Variants in TNPO1 observed in about 807,000 individuals in gnomAD.
The protein encoded by TNPO1 is transportin-1.
TNPO1 carries 8 observed loss-of-function variants against 119.5 expected under a neutral mutation model. The observed-to-expected ratio is 0.07, with a 90% CI of 0.04 to 0.12. TNPO1 has a LOEUF of 0.12. Ranked by LOEUF, TNPO1 falls within the 10% of genes least tolerant of loss-of-function variation. TNPO1 has a pLI of 1.00. For synonymous variants in TNPO1, 362 were observed against 363.0 expected (o/e 1.00, Z 0.03); for missense variants, 576 against 1,089.8 (o/e 0.53, Z 6.64).
chr5:72,889,531 A>G (rs979720260), intron 13 of TNPO1, among the ~76,000 whole-genome samples: 12 of 152,092 alleles, frequency 7.9e-5, no homozygotes, highest in Non-Finnish European at 1.6e-4. Context: ...GAGTTTACAT[A>G]AAGTCCCTGC....
intron 24 of TNPO1, among the ~76,000 whole-genome samples, chr5:72,906,073 T>G (rs1054631617): frequency 6.6e-6 from 1 of 152,060 alleles, no homozygotes; most frequent in Non-Finnish European, 1.5e-5. Flanking sequence ...CTTTCTTTTT[T>G]CCTGCAAGAA....
At chr5:72,817,914 G>GT (rs1743774619) in intron 1 of TNPO1, among the ~76,000 whole-genome samples, 1 of 152,140 alleles carries the variant, frequency 6.6e-6, no homozygotes. Context: ...GGAAAGTTCC[G>GT]TTTTTTGGGA....
At chr5:72,844,779 A>G (rs1046350278) in intron 1 of TNPO1, among the ~76,000 whole-genome samples, 9 of 152,210 alleles carry the variant, frequency 5.9e-5, no homozygotes, top group Admixed American at 3.9e-4. Flanking sequence ...AGTTGAGTCC[A>G]TATCTCCAGT....
chr5:72,889,642 G>C (rs1483285639), intron 13 of TNPO1, 144 bp from the exon 14 acceptor site: 9 of 741,174 alleles, frequency 1.2e-5, no homozygotes, highest in Non-Finnish European at 1.5e-5. Context: ...TCACAGTGCT[G>C]ATGACCAGGG....
chr5:72,852,253 AT>A (rs1392276988), intron 3 of TNPO1, among the ~76,000 whole-genome samples: 1 of 152,230 alleles, frequency 6.6e-6, no homozygotes, highest in African/African-American at 2.4e-5. Context: ...TGATTTTTAA[AT>A]AACATGGTCA....
intron 22 of TNPO1, among the ~76,000 whole-genome samples, chr5:72,902,507 G>C (rs1451694144): frequency 6.6e-6 from 1 of 151,192 alleles, no homozygotes; most frequent in Non-Finnish European, 1.5e-5. Flanking sequence ...CATTTTCTGG[G>C]TTTTTGTTTT....
Position 72,877,211 on chromosome 5 carries a change from G to A in TNPO1, c.802-17G>A. The A allele has an allele frequency of 7.2e-7, 1 of 1,386,002 alleles. No individual in the cohort carries two copies. The allele number at this position is 1,386,002 out of a possible 1,614,324, so 85.9% of individuals were successfully genotyped here. ...TGATTTTTAAACTGACTAATATTAAGGATATTGTGTTTCCAGTACATGCTA... is the reference window on the plus strand; with the variant it reads ...TGATTTTTAAACTGACTAATATTAAAGATATTGTGTTTCCAGTACATGCTA... On this transcript the variant is annotated splice_polypyrimidine_tract_variant and intron_variant, in intron 8 of 24. Transcript: ENST00000337273.
At chr5:72,819,310 T>G (rs921273721) in intron 1 of TNPO1, among the ~76,000 whole-genome samples, 1 of 152,192 alleles carries the variant, frequency 6.6e-6, no homozygotes, top group Admixed American at 6.5e-5. Flanking sequence ...TGAATTTTGA[T>G]GGAGACAGAC....
rs777438981 is a variant in TNPO1 at position 72,882,437 on chromosome 5, T to C, written c.921-30T>C. The C allele has an allele frequency of 2.6e-6, 4 of 1,551,318 alleles. No homozygotes were observed. The East Asian group carries it at 9.0e-5, about 35-fold the overall frequency. On this transcript the variant is annotated intron_variant, in intron 9 of 24. Coordinates refer to ENST00000337273, the MANE Select transcript of TNPO1 (RefSeq NM_002270.4). ...TAATTATTCTCTTGAGATCTTAAGG[T>C]CTTTGTTTCATGAATTTCTTTCTTT...
intron 11 of TNPO1, among the ~76,000 whole-genome samples, chr5:72,883,747 G>C (rs7716161): frequency 0.18 from 28,040 of 151,706 alleles, 2,956 homozygotes; most frequent in African/African-American, 0.28. Flanking sequence ...TTGTTTGTTT[G>C]TTTTTTTGTT....
chr5:72,871,010 C>T (rs1747355556), intron 6 of TNPO1, among the ~76,000 whole-genome samples: 1 of 152,150 alleles, frequency 6.6e-6, no homozygotes, highest in Non-Finnish European at 1.5e-5. Context: ...CTCTCCATCG[C>T]CCAGGCTAGA....
chr5:72,851,424 G>T, intron 3 of TNPO1, 105 bp downstream of exon 3: 1 of 693,856 alleles, frequency 1.4e-6, no homozygotes. Context: ...GTAACCTTGT[G>T]CTTTATAGAT....
chr5:72,897,384 A>T (rs1262662497), intron 20 of TNPO1, among the ~76,000 whole-genome samples: 1 of 152,098 alleles, frequency 6.6e-6, no homozygotes, highest in Non-Finnish European at 1.5e-5. Context: ...CCCCTATTCC[A>T]GTGTTTTAAT....
chr5:72,905,426 C>T lies in TNPO1; in HGVS notation c.*16C>T. On this transcript the variant is annotated 3_prime_UTR_variant, in exon 24 of 25. Coordinates refer to ENST00000337273, the MANE Select transcript of TNPO1 (RefSeq NM_002270.4). ...TGGTGTTTAATCTAATACACTTAAG[C>T]TGCAGTCCCAAAATTAGGGGTAAGT... The T allele has an allele frequency of 6.4e-7, 1 of 1,551,404 alleles. No homozygotes were observed. The highest frequency in any genetic ancestry group is 8.8e-7 in the Non-Finnish European group (1 of 1,142,148).
intron 13 of TNPO1, among the ~76,000 whole-genome samples, chr5:72,889,360 G>A (rs1296243660): frequency 6.6e-6 from 1 of 152,000 alleles, no homozygotes; most frequent in African/African-American, 2.4e-5. Context: ...GCCTGGCAGG[G>A]ATAGTAAATT....
chr5:72,890,004 T>TTACAATTAA, intron 14 of TNPO1, 47 bp downstream of exon 14: 1 of 1,573,880 alleles, frequency 6.4e-7, no homozygotes, highest in Non-Finnish European at 8.7e-7. Context: ...TGTAGCATAG[T>TTACAATTAA]TACAATTAAT....
chr5:72,864,656 T>C (rs1389106632), intron 5 of TNPO1, among the ~76,000 whole-genome samples: 2 of 152,184 alleles, frequency 1.3e-5, no homozygotes, highest in Non-Finnish European at 2.9e-5. Flanking sequence ...TCACCCAGGC[T>C]GGAGTGCAGT....
At position 72,875,443 on chromosome 5, in the gene TNPO1, T is replaced by C. The variant is rs112883068; in HGVS notation, c.679-172T>C. 8.3e-3 allele frequency among the ~76,000 whole-genome samples: 1,260 copies of C among 152,336 alleles called. 14 individuals are homozygous for C. The highest frequency in any genetic ancestry group is 0.029 in the African/African-American group (1,194 of 41,572). The stretch of plus-strand genomic sequence containing the variant: ...AGCTCTTCATCTTTTATCAAAATCA[T>C]AATCTTTGTCAGTTATTCCACATTT... On this transcript the variant is annotated intron_variant, in intron 7 of 24. Coordinates refer to ENST00000337273, the MANE Select transcript of TNPO1 (RefSeq NM_002270.4).
intron 2 of TNPO1, among the ~76,000 whole-genome samples, chr5:72,849,127 C>G (rs1475039169): frequency 6.6e-6 from 1 of 152,166 alleles, no homozygotes; most frequent in Non-Finnish European, 1.5e-5. Flanking sequence ...ACACCTGTTG[C>G]GAACTCCTTG....
Sources: gnomAD v4.1 joint callset for allele counts (sites outside exome capture counted in the v4.1 genomes callset) on GRCh38, gnomAD v4.1.1 for gene constraint, MANE v1.5 for transcripts, NCBI Gene and HGNC (gene_info 2026-07-23, HGNC 2026-07-21) for gene names.